The following SDK2 variants were observed in gnomAD, a reference collection of about 807,000 sequenced individuals.
The protein encoded by SDK2 is protein sidekick-2.
Under a neutral mutation model 253.9 loss-of-function variants are expected in SDK2, and 105 were observed. The observed-to-expected ratio is 0.41, with a 90% CI of 0.35 to 0.49. The LOEUF (loss-of-function observed/expected upper bound fraction) is 0.49, where lower values mean the gene tolerates loss of function less well. Ranked by LOEUF, SDK2 falls within the 20% of genes least tolerant of loss-of-function variation. The pLI, the probability that SDK2 is intolerant of heterozygous loss-of-function variation, is 0.06. For synonymous variants in SDK2, 1,249 were observed against 1,234.9 expected (o/e 1.01, Z -0.24); for missense variants, 2,608 against 3,003.0 (o/e 0.87, Z 3.07).
Position 73,395,701 on chromosome 17 carries a change from T to G in SDK2, c.3355-309A>C, listed in dbSNP as rs1418657478. On this transcript the variant is annotated intron_variant, in intron 24 of 44. Coordinates refer to ENST00000392650, the MANE Select transcript of SDK2 (RefSeq NM_001144952.2). This position sits in a 1 kb window ranked among gnomAD's most constrained non-coding sequence, Gnocchi z 4.3. The stretch of plus-strand genomic sequence containing the variant: ...AAAGGCTGTGTGTCTGACACACCGA[T>G]AGCACCGCCACCTTTGGCTCTGCTG... 6.6e-6 allele frequency among the ~76,000 whole-genome samples: 1 copy of G among 152,236 alleles called. No homozygotes were observed. Among genetic ancestry groups the G allele is most frequent in the Non-Finnish European group, 1.5e-5 (1 of 68,044 alleles).
At chr17:73,592,784 G>A (rs2145901673) in intron 1 of SDK2, among the ~76,000 whole-genome samples, 1 of 152,276 alleles carries the variant, frequency 6.6e-6, no homozygotes, top group East Asian at 1.9e-4. Context: ...GGAGGTCCAG[G>A]GAGAGCCTAT....
At chr17:73,641,609 C>A (rs1301692287) in intron 1 of SDK2, among the ~76,000 whole-genome samples, 5 of 151,826 alleles carry the variant, frequency 3.3e-5, no homozygotes, top group Non-Finnish European at 5.9e-5. Flanking sequence ...AAAAACCAAC[C>A]AGGCTAGGCT....
chr17:73,596,701 C>T (rs1361982012), intron 1 of SDK2, among the ~76,000 whole-genome samples: 1 of 152,138 alleles, frequency 6.6e-6, no homozygotes, highest in Non-Finnish European at 1.5e-5. Context: ...GGACACAGGA[C>T]AGGGTGGCTG....
chr17:73,638,887 G>A (rs1484015246), intron 1 of SDK2, among the ~76,000 whole-genome samples: 1 of 148,006 alleles, frequency 6.8e-6, no homozygotes, highest in Non-Finnish European at 1.5e-5. Context: ...TCAGCTCACT[G>A]CCACCTCCGC....
At chr17:73,621,048 A>G (rs2143195040) in intron 1 of SDK2, among the ~76,000 whole-genome samples, 1 of 152,364 alleles carries the variant, frequency 6.6e-6, no homozygotes, top group East Asian at 1.9e-4. Context: ...AAAAACCTCC[A>G]AGAGGAAACT....
intron 2 of SDK2, among the ~76,000 whole-genome samples, chr17:73,498,428 C>T (rs2145741313): frequency 6.6e-6 from 1 of 152,302 alleles, no homozygotes; most frequent in African/African-American, 2.4e-5. Context: ...CAAACATTTC[C>T]AAAGGTGGCA....
At chr17:73,405,914 G>A (rs1406089801) in intron 18 of SDK2, among the ~76,000 whole-genome samples, 1 of 151,488 alleles carries the variant, frequency 6.6e-6, no homozygotes, top group Non-Finnish European at 1.5e-5. Context: ...TAGTAGAAAC[G>A]GGGTTTCACT....
In SDK2 at chr17:73,395,888, T is replaced by C. The variant is rs551261151; in HGVS notation, c.3355-496A>G. Among the ~76,000 whole-genome samples, 1 of 151,696 alleles carries C rather than the reference T, an allele frequency of 6.6e-6. No individual in the cohort carries two copies. Among genetic ancestry groups the C allele is most frequent in the East Asian group, 1.9e-4 (1 of 5,150 alleles). ...TCCTTCTGTCCAGCAAACCTCAGCC[T>C]CTCCTGCTGCATTTTCAGCCTCCTT... On this transcript the variant is annotated intron_variant, in intron 24 of 44. Coordinates refer to ENST00000392650, the MANE Select transcript of SDK2 (RefSeq NM_001144952.2). This position sits in a 1 kb window ranked among gnomAD's most constrained non-coding sequence, Gnocchi z 4.3.
At chr17:73,543,006 G>A (rs1351954468) in intron 1 of SDK2, among the ~76,000 whole-genome samples, 1 of 152,096 alleles carries the variant, frequency 6.6e-6, no homozygotes, top group African/African-American at 2.4e-5. Context: ...TCTAGGCCAC[G>A]CCCCCTCTGC....
At chr17:73,359,739 G>A (rs545216005) in intron 39 of SDK2, among the ~76,000 whole-genome samples, 6 of 152,140 alleles carry the variant, frequency 3.9e-5, no homozygotes, top group Non-Finnish European at 8.8e-5. Context: ...TCCACCTCCT[G>A]GGCTCAAACG....
chr17:73,632,451 A>T (rs1463284690), intron 1 of SDK2, among the ~76,000 whole-genome samples: 2 of 152,172 alleles, frequency 1.3e-5, no homozygotes, highest in Non-Finnish European at 2.9e-5. Context: ...TCGAACTCTC[A>T]GATTTACACC....
chr17:73,388,889 TCTCCCTCCCTCC>T (rs369112065), intron 29 of SDK2, among the ~76,000 whole-genome samples: 1 of 77,240 alleles, frequency 1.3e-5, no homozygotes, highest in African/African-American at 7.3e-5. Context: ...TTCTCTTCCT[TCTCCCTCCCTCC>T]CTCCCTCCCT....
At chr17:73,549,914 T>C (rs1417774529) in intron 1 of SDK2, among the ~76,000 whole-genome samples, 2 of 152,132 alleles carry the variant, frequency 1.3e-5, no homozygotes, top group Non-Finnish European at 2.9e-5. Context: ...GACCTGGTCA[T>C]AACCAGGTGG....
intron 15 of SDK2, among the ~76,000 whole-genome samples, chr17:73,419,706 C>A (rs2063212279): frequency 1.4e-5 from 1 of 69,756 alleles, no homozygotes; most frequent in South Asian, 3.5e-4. Flanking sequence ...CCTGTCTCTA[C>A]CAAAAAAAAC....
chr17:73,586,052 T>A (rs1254969582), intron 1 of SDK2, among the ~76,000 whole-genome samples: 4 of 152,188 alleles, frequency 2.6e-5, no homozygotes, highest in Non-Finnish European at 5.9e-5. Flanking sequence ...GCATTCTTAC[T>A]GCATGCTTGT....
At chr17:73,513,644 C>T (rs1365714786) in intron 1 of SDK2, 1 of 152,194 alleles carries the variant, frequency 6.6e-6, no homozygotes, top group Non-Finnish European at 1.5e-5. Context: ...AATGACAGTA[C>T]TTCAGAGCCG....
intron 18 of SDK2, among the ~76,000 whole-genome samples, chr17:73,412,008 ATG>A (rs1227893976): frequency 0.024 from 3,116 of 129,260 alleles, 159 homozygotes; most frequent in African/African-American, 0.081. Flanking sequence ...ACACATATAT[ATG>A]TAGATATACG....
intron 1 of SDK2, among the ~76,000 whole-genome samples, chr17:73,532,684 G>A (rs1444657469): frequency 6.6e-6 from 1 of 152,244 alleles, no homozygotes; most frequent in African/African-American, 2.4e-5. Flanking sequence ...TGTAATGGCA[G>A]CTGCAAAGGG....
chr17:73,482,525 G>C (rs2063732289), intron 2 of SDK2, among the ~76,000 whole-genome samples: 1 of 152,278 alleles, frequency 6.6e-6, no homozygotes, highest in South Asian at 2.1e-4. Context: ...CGGCCCTGCG[G>C]TCAATGAGAG....
Sources: allele counts gnomAD v4.1 joint callset (sites outside exome capture counted in the v4.1 genomes callset), GRCh38; gene constraint gnomAD v4.1.1; non-coding constraint Gnocchi (gnomAD v3.1); transcripts MANE v1.5; gene names NCBI Gene and HGNC (gene_info 2026-07-23, HGNC 2026-07-21).